OPCML: variants seen among roughly 807,000 people sequenced by gnomAD.
OPCML encodes the protein opioid binding protein/cell adhesion molecule like.
A neutral mutation model predicts 37.8 loss-of-function variants in OPCML; 13 were observed. That is an observed-to-expected ratio of 0.34 (90% CI 0.22 to 0.55). OPCML has a LOEUF of 0.55. Ranked by LOEUF, OPCML falls within the 20% of genes least tolerant of loss-of-function variation. The pLI, the probability that OPCML is intolerant of heterozygous loss-of-function variation, is 0.91. For synonymous variants in OPCML, 176 were observed against 168.8 expected, an observed-to-expected ratio of 1.04 and a Z score of -0.33; for missense variants, 341 against 435.6, an observed-to-expected ratio of 0.78 and a Z score of 1.93.
intron 3 of OPCML, among the ~76,000 whole-genome samples, chr11:132,585,029 C>T (rs1388739137): frequency 6.6e-6 from 1 of 152,170 alleles, no homozygotes; most frequent in Non-Finnish European, 1.5e-5. Context: ...TACAGTCTGT[C>T]TACACATCCA....
At chr11:132,445,098 C>G (rs1238775593) in intron 4 of OPCML, among the ~76,000 whole-genome samples, 1 of 152,218 alleles carries the variant, frequency 6.6e-6, no homozygotes, top group Admixed American at 6.5e-5. Context: ...AGTGGCTTGC[C>G]CCCATCCAGG....
intron 2 of OPCML, among the ~76,000 whole-genome samples, chr11:132,830,241 A>C (rs1940605515): frequency 6.6e-6 from 1 of 152,184 alleles, no homozygotes; most frequent in South Asian, 2.1e-4. Context: ...TCTTCCAATT[A>C]CTATAGAGAT....
chr11:132,851,011 A>G (rs982374919), intron 2 of OPCML, among the ~76,000 whole-genome samples: 4 of 152,228 alleles, frequency 2.6e-5, no homozygotes, highest in Non-Finnish European at 5.9e-5. Context: ...GAGGTCTATC[A>G]ACTTCAATGG....
chr11:132,982,871 C>T (rs1456169193), intron 1 of OPCML, among the ~76,000 whole-genome samples: 1 of 152,158 alleles, frequency 6.6e-6, no homozygotes, highest in African/African-American at 2.4e-5. Context: ...CCACTGAGCC[C>T]CCAGCGTGGG....
Position 133,206,824 on chromosome 11 carries a change from C to T in OPCML, c.62-263814G>A, listed in dbSNP as rs1172182390. Among the ~76,000 whole-genome samples the T allele has an allele frequency of 1.3e-5, 2 of 152,186 alleles. No homozygotes were observed. The highest frequency in any genetic ancestry group is 2.9e-5 in the Non-Finnish European group (2 of 68,034). On this transcript the variant is annotated intron_variant, in intron 1 of 7. Transcript: ENST00000524381. This position sits in a 1 kb window ranked among gnomAD's most constrained non-coding sequence, Gnocchi z 4.7. ...GGATGCAGCACCCACGCTTACCCTC[C>T]ACACTCTCACGATGTCCACACAGCT...
intron 1 of OPCML, among the ~76,000 whole-genome samples, chr11:133,400,267 A>G (rs1218041328): frequency 6.6e-6 from 1 of 152,210 alleles, no homozygotes; most frequent in Non-Finnish European, 1.5e-5. Flanking sequence ...GTAATCCACA[A>G]CTTTCCCTTA....
chr11:133,004,400 T>G (rs993665835), intron 1 of OPCML: 16 of 985,480 alleles, frequency 1.6e-5, no homozygotes, highest in Non-Finnish European at 1.8e-5. Flanking sequence ...GTTGGAATCG[T>G]GTCTATCATC....
At chr11:132,721,046 C>T (rs955707062) in intron 2 of OPCML, among the ~76,000 whole-genome samples, 1 of 152,156 alleles carries the variant, frequency 6.6e-6, no homozygotes, top group Admixed American at 6.5e-5. Flanking sequence ...CATTTCTTCT[C>T]TTGACATTAT....
chr11:132,699,804 T>C (rs1431132066), intron 2 of OPCML, among the ~76,000 whole-genome samples: 1 of 152,128 alleles, frequency 6.6e-6, no homozygotes, highest in Non-Finnish European at 1.5e-5. Flanking sequence ...GGCCTATCTT[T>C]TTCTTTTCTT....
chr11:132,615,932 C>T lies in OPCML; in HGVS notation c.379+41155G>A, dbSNP rs141320146. ...TTGGCCAGGGCCAAAGCCACAATTG[C>T]GAGATGCATAAAAGTAAAGTGAAAG... On this transcript the variant is annotated intron_variant, in intron 3 of 7. Coordinates refer to ENST00000524381, the MANE Select transcript of OPCML (RefSeq NM_001012393.5). Among the ~76,000 whole-genome samples, 318 of 152,196 alleles carry T rather than the reference C, an allele frequency of 2.1e-3. 1 individual carries two copies. The highest frequency in any genetic ancestry group is 3.4e-3 in the Middle Eastern group (1 of 294).
intron 2 of OPCML, among the ~76,000 whole-genome samples, chr11:132,926,269 T>G (rs2659621): frequency 0.076 from 11,500 of 152,276 alleles, 489 homozygotes; most frequent in Middle Eastern, 0.16. Flanking sequence ...CAGAGGCATG[T>G]TCTGTATTGA....
intron 2 of OPCML, among the ~76,000 whole-genome samples, chr11:132,902,248 CAAG>C (rs2136504449): frequency 6.6e-6 from 1 of 152,266 alleles, no homozygotes; most frequent in South Asian, 2.1e-4. Flanking sequence ...TGAATTCACA[CAAG>C]AAGTTGTTAG....
At chr11:133,189,016 C>G (rs73596489) in intron 1 of OPCML, among the ~76,000 whole-genome samples, 1 of 152,098 alleles carries the variant, frequency 6.6e-6, no homozygotes, top group Non-Finnish European at 1.5e-5. Context: ...GCCCTTGTCC[C>G]CTGCCACTCC....
intron 1 of OPCML, among the ~76,000 whole-genome samples, chr11:132,963,129 A>C (rs1946128815): frequency 6.6e-6 from 1 of 152,086 alleles, no homozygotes; most frequent in African/African-American, 2.4e-5. Flanking sequence ...GGTTACTTGA[A>C]AATCACCGTG....
chr11:133,184,932 A>G (rs990328801), intron 1 of OPCML, among the ~76,000 whole-genome samples: 4 of 152,110 alleles, frequency 2.6e-5, no homozygotes, highest in Admixed American at 1.3e-4. Context: ...TGGGAACCTG[A>G]GTGGTGATGA....
At chr11:133,192,420 G>A (rs1022240919) in intron 1 of OPCML, among the ~76,000 whole-genome samples, 8 of 152,130 alleles carry the variant, frequency 5.3e-5, no homozygotes, top group East Asian at 3.8e-4. Flanking sequence ...GTGATTGTCC[G>A]ACCAATTGCC....
chr11:132,533,528 C>T (rs2096332187), intron 3 of OPCML, among the ~76,000 whole-genome samples: 1 of 152,148 alleles, frequency 6.6e-6, no homozygotes, highest in South Asian at 2.1e-4. Flanking sequence ...AAATATCTTG[C>T]TTCTGCCTAA....
intron 4 of OPCML, among the ~76,000 whole-genome samples, chr11:132,492,173 G>C (rs1233372542): frequency 6.6e-6 from 1 of 152,018 alleles, no homozygotes; most frequent in African/African-American, 2.4e-5. Context: ...AGGACACATG[G>C]GGTTTTGAGA....
rs1351709610 is a variant in OPCML, at chr11:132,726,010, C to T, written c.147-68691G>A. ...ATTGCTATCAACATTTTGGGCAAAG[C>T]CATTCAACAAGTCTCTAGGAAGTTT... On this transcript the variant is annotated intron_variant, in intron 2 of 7. Transcript: ENST00000524381. Among the ~76,000 whole-genome samples, 8 of 152,168 alleles carry T rather than the reference C, an allele frequency of 5.3e-5. No homozygotes were observed. In the South Asian group the frequency reaches 1.7e-3, roughly 32 times the overall value.
Sources: gnomAD v4.1 joint callset for allele counts (sites outside exome capture counted in the v4.1 genomes callset) on GRCh38, gnomAD v4.1.1 for gene constraint, Gnocchi (gnomAD v3.1) non-coding constraint, MANE v1.5 for transcripts, NCBI Gene and HGNC (gene_info 2026-07-23, HGNC 2026-07-21) for gene names.